CPLX1: variants seen among roughly 807,000 people sequenced by gnomAD.
The protein encoded by CPLX1 is complexin 1.
A neutral mutation model predicts 15.6 loss-of-function variants in CPLX1; 6 were observed. That is an observed-to-expected ratio of 0.39 (90% CI 0.21 to 0.76). CPLX1 has a LOEUF of 0.76. Ranked by LOEUF, CPLX1 falls within the 30% of genes least tolerant of loss-of-function variation. The pLI is 0.43. For synonymous variants in CPLX1, 91 were observed against 75.2 expected, an observed-to-expected ratio of 1.21 and a Z score of -1.08; for missense variants, 242 against 188.6, an observed-to-expected ratio of 1.28 and a Z score of -1.66.
intron 3 of CPLX1, among the ~76,000 whole-genome samples, chr4:791,407 G>A (rs1746171873): frequency 6.6e-6 from 1 of 152,192 alleles, no homozygotes; most frequent in Admixed American, 6.5e-5. Context: ...GTGGGGAGGA[G>A]CTGGCCTTTT....
At chr4:786,872 G>A (rs914626020) in intron 3 of CPLX1, 174 bp from the exon 4 acceptor site, 10 of 983,758 alleles carry the variant, frequency 1.0e-5, no homozygotes, top group African/African-American at 1.7e-5. Flanking sequence ...GGGGTCCCTG[G>A]AGGAATGGGA....
At chr4:812,797 C>T (rs1343272761) in intron 2 of CPLX1, among the ~76,000 whole-genome samples, 1 of 152,038 alleles carries the variant, frequency 6.6e-6, no homozygotes, top group East Asian at 1.9e-4. Flanking sequence ...AATGCTAACG[C>T]CCGGTGTCCT....
chr4:803,683 C>A (rs1577477166), intron 2 of CPLX1, among the ~76,000 whole-genome samples: 1 of 152,272 alleles, frequency 6.6e-6, no homozygotes, highest in East Asian at 1.9e-4. Flanking sequence ...CCGCGCCCGG[C>A]CTTCTTTCTT....
At chr4:804,687 A>C in intron 2 of CPLX1, 1 of 958,668 alleles carries the variant, frequency 1.0e-6, no homozygotes, top group Non-Finnish European at 1.2e-6. Context: ...GGATAAAATT[A>C]AGGTTCATAT....
intron 2 of CPLX1, among the ~76,000 whole-genome samples, chr4:805,463 G>A (rs1231479227): frequency 6.6e-6 from 1 of 152,214 alleles, no homozygotes; most frequent in Non-Finnish European, 1.5e-5. Context: ...ACAAGTGTTG[G>A]CAACAATGTG....
chr4:787,692 GTTC>G (rs2152641205), intron 3 of CPLX1: 2 of 985,266 alleles, frequency 2.0e-6, no homozygotes, highest in Non-Finnish European at 1.2e-6. Context: ...GTGGGATTTT[GTTC>G]TTCTGCCCTC....
chr4:819,721 TCTAGCTGTGGCAAGTAAATGGAAAC>T (rs1358289209), intron 2 of CPLX1, among the ~76,000 whole-genome samples: 1 of 152,212 alleles, frequency 6.6e-6, no homozygotes, highest in East Asian at 1.9e-4. Flanking sequence ...ACCTTCCTCT[TCTAGCTGTGGCAAGTAAATGGAAAC>T]CCTCCATGAG....
intron 2 of CPLX1, among the ~76,000 whole-genome samples, chr4:809,015 C>T (rs747212770): frequency 2.0e-5 from 3 of 152,270 alleles, no homozygotes; most frequent in Admixed American, 6.5e-5. Flanking sequence ...CGCGAGTGCG[C>T]GGGCGGCAGG....
intron 2 of CPLX1, among the ~76,000 whole-genome samples, chr4:793,872 G>A (rs549545925): frequency 3.3e-5 from 5 of 152,170 alleles, no homozygotes; most frequent in Admixed American, 2.0e-4. Flanking sequence ...CCCATGCCTC[G>A]GGTAGAGATG....
chr4:807,530 AG>A (rs1475654271), intron 2 of CPLX1, among the ~76,000 whole-genome samples: 15 of 151,464 alleles, frequency 9.9e-5, no homozygotes, highest in African/African-American at 3.6e-4. Flanking sequence ...GCTGGAGTGC[AG>A]TGGCACAATC....
chr4:792,752 C>CCGCT, intron 2 of CPLX1, 144 bp from the exon 3 acceptor site: 1 of 822,466 alleles, frequency 1.2e-6, no homozygotes, highest in Non-Finnish European at 1.9e-6. Flanking sequence ...CACCCTCCAG[C>CCGCT]CGCTCCTCCC....
At chr4:803,826 C>G (rs1378566993) in intron 2 of CPLX1, among the ~76,000 whole-genome samples, 1 of 152,198 alleles carries the variant, frequency 6.6e-6, no homozygotes, top group Admixed American at 6.5e-5. Context: ...TGTGCCACCA[C>G]GCCTGGCTAA....
At chr4:797,671 C>T (rs1004689836) in intron 2 of CPLX1, among the ~76,000 whole-genome samples, 8 of 151,290 alleles carry the variant, frequency 5.3e-5, no homozygotes, top group African/African-American at 1.9e-4. Context: ...CGGTGGCTCA[C>T]GCCTGTAATC....
intron 3 of CPLX1, among the ~76,000 whole-genome samples, chr4:791,184 G>A (rs1746161496): frequency 8.3e-6 from 1 of 119,948 alleles, no homozygotes; most frequent in Non-Finnish European, 1.6e-5. Context: ...GGGGCGGGGG[G>A]CGGGGAGCGG....
At chr4:809,237 G>A (rs373494401) in intron 2 of CPLX1, among the ~76,000 whole-genome samples, 172 of 151,836 alleles carry the variant, frequency 1.1e-3, no homozygotes, top group Admixed American at 3.9e-3. Flanking sequence ...GCCACCCCAC[G>A]TCCTCGCCTA....
At chr4:787,018 C>T in intron 3 of CPLX1, 1 of 985,336 alleles carries the variant, frequency 1.0e-6, no homozygotes, top group Non-Finnish European at 1.2e-6. Context: ...TGGCATCCTG[C>T]CTTCCAGGAA....
chr4:792,678 A>C, intron 2 of CPLX1, 70 bp from the exon 3 acceptor site: 19 of 1,473,000 alleles, frequency 1.3e-5, no homozygotes, highest in South Asian at 2.7e-5. Context: ...TCTCAGCCAC[A>C]CTCCCCCACC....
intron 2 of CPLX1, among the ~76,000 whole-genome samples, chr4:795,126 G>A (rs1469631152): frequency 6.6e-6 from 1 of 152,146 alleles, no homozygotes; most frequent in Non-Finnish European, 1.5e-5. Context: ...TGCCGCCCAC[G>A]CCCCCCCGCT....
chr4:808,258 A>AAATG (rs1746594717), intron 2 of CPLX1, among the ~76,000 whole-genome samples: 1 of 123,466 alleles, frequency 8.1e-6, no homozygotes, highest in Non-Finnish European at 1.7e-5. Flanking sequence ...ATAAATAAAT[A>AAATG]AAAATAAATA....
Sources: gnomAD v4.1 joint callset for allele counts (sites outside exome capture counted in the v4.1 genomes callset) on GRCh38, gnomAD v4.1.1 for gene constraint, MANE v1.5 for transcripts, NCBI Gene and HGNC (gene_info 2026-07-23, HGNC 2026-07-21) for gene names.